THSD7A: variants seen among roughly 807,000 people sequenced by gnomAD.
THSD7A encodes the protein thrombospondin type 1 domain containing 7A, also known as thrombospondin type-1 domain-containing protein 7A.
Under a neutral mutation model 231.3 loss-of-function variants are expected in THSD7A, and 96 were observed. The ratio of observed to expected loss-of-function variants is 0.41; its 90% CI spans 0.35 to 0.49. The LOEUF (loss-of-function observed/expected upper bound fraction) is 0.49. THSD7A is among the 20% of genes least tolerant of loss of function. The probability of loss-of-function intolerance (pLI) is 0.05; values close to 1 mark genes in which losing one functional copy is unlikely to be tolerated. For missense variants in THSD7A, 2,290 were observed against 2,070.2 expected, an observed-to-expected ratio of 1.11 and a Z score of -2.06; for synonymous variants, 940 against 743.3, an observed-to-expected ratio of 1.26 and a Z score of -4.30.
intron 1 of THSD7A, among the ~76,000 whole-genome samples, chr7:11,769,122 A>AATAT (rs1219135740): frequency 0.022 from 800 of 35,744 alleles, 19 homozygotes; most frequent in African/African-American, 0.028. Flanking sequence ...AATTCCTGGC[A>AATAT]ATATATATAT....
chr7:11,586,998 A>T (rs1405019722), intron 4 of THSD7A, among the ~76,000 whole-genome samples: 1 of 152,110 alleles, frequency 6.6e-6, no homozygotes, highest in African/African-American at 2.4e-5. Context: ...AGTTTCCTAT[A>T]AGTCACTGTA....
rs17165070 is a variant in THSD7A, at chr7:11,705,012, C to A, written c.191-68051G>T. Reference sequence around the variant, plus strand: ...ATAATCATCAGTTGACACGTCAGAACTAAGTGTCTTTTAAAAATATATACT... The same window carrying A: ...ATAATCATCAGTTGACACGTCAGAAATAAGTGTCTTTTAAAAATATATACT... On this transcript the variant is annotated intron_variant, in intron 1 of 27. Transcript: ENST00000423059. 8.7e-3 allele frequency among the ~76,000 whole-genome samples: 1,311 copies of A among 151,132 alleles called. 17 individuals carry two copies. Among genetic ancestry groups the A allele is most frequent in the African/African-American group, 0.03 (1,228 of 41,374 alleles).
At chr7:11,787,225 C>G (rs1474542771) in intron 1 of THSD7A, among the ~76,000 whole-genome samples, 1 of 151,868 alleles carries the variant, frequency 6.6e-6, no homozygotes, top group African/African-American at 2.4e-5. Flanking sequence ...AATATATAAT[C>G]TAGACACAGA....
intron 2 of THSD7A, among the ~76,000 whole-genome samples, chr7:11,628,930 G>C (rs1235766695): frequency 3.9e-5 from 6 of 152,140 alleles, no homozygotes; most frequent in Non-Finnish European, 7.4e-5. Flanking sequence ...TGTAGGCATC[G>C]AGGAGTGGTA....
At chr7:11,547,320 A>G (rs753302366) in intron 4 of THSD7A, among the ~76,000 whole-genome samples, 1 of 152,246 alleles carries the variant, frequency 6.6e-6, no homozygotes, top group Non-Finnish European at 1.5e-5. Context: ...TTGAATATAA[A>G]TAGGCTAAAC....
intron 2 of THSD7A, among the ~76,000 whole-genome samples, chr7:11,633,388 G>T (rs769897645): frequency 2.0e-5 from 3 of 152,086 alleles, no homozygotes; most frequent in Non-Finnish European, 2.9e-5. Flanking sequence ...ATAGTCTTTT[G>T]TTGGCAATAA....
intron 6 of THSD7A, among the ~76,000 whole-genome samples, chr7:11,518,480 T>A (rs1168335649): frequency 6.6e-6 from 1 of 152,148 alleles, no homozygotes; most frequent in Non-Finnish European, 1.5e-5. Flanking sequence ...CAGGCTTCAT[T>A]CATTACATGC....
At chr7:11,660,675 C>G (rs921001507) in intron 1 of THSD7A, among the ~76,000 whole-genome samples, 2 of 151,336 alleles carry the variant, frequency 1.3e-5, no homozygotes, top group African/African-American at 2.4e-5. Flanking sequence ...AGTTAAGTCT[C>G]TACCTGGTCC....
chr7:11,783,704 T>A (rs922837875), intron 1 of THSD7A, among the ~76,000 whole-genome samples: 3 of 152,116 alleles, frequency 2.0e-5, no homozygotes, highest in Non-Finnish European at 4.4e-5. Flanking sequence ...CTAGAGGGGA[T>A]ATAGATGAAG....
intron 1 of THSD7A, among the ~76,000 whole-genome samples, chr7:11,716,146 AT>A (rs529435667): frequency 1.3e-5 from 2 of 151,238 alleles, no homozygotes; most frequent in African/African-American, 4.8e-5. Context: ...TGCCTTTTCC[AT>A]TTTTTCCCTA....
At chr7:11,427,417 T>C (rs1418781198) in intron 14 of THSD7A, among the ~76,000 whole-genome samples, 1 of 152,160 alleles carries the variant, frequency 6.6e-6, no homozygotes, top group African/African-American at 2.4e-5. Flanking sequence ...CAAGTCACAA[T>C]ACCCTTATCA....
chr7:11,534,896 C>G (rs535079371), intron 6 of THSD7A, among the ~76,000 whole-genome samples: 1 of 152,294 alleles, frequency 6.6e-6, no homozygotes, highest in African/African-American at 2.4e-5. Flanking sequence ...GTTGCCCCAG[C>G]TACTTGGGAT....
At chr7:11,824,642 T>C (rs901134735) in intron 1 of THSD7A, among the ~76,000 whole-genome samples, 4 of 152,132 alleles carry the variant, frequency 2.6e-5, no homozygotes, top group East Asian at 1.9e-4. Flanking sequence ...CCCTGAGAAT[T>C]TGACTTTTTG....
intron 1 of THSD7A, among the ~76,000 whole-genome samples, chr7:11,700,402 AT>A (rs1780549507): frequency 6.6e-6 from 1 of 151,206 alleles, no homozygotes; most frequent in South Asian, 2.1e-4. Flanking sequence ...ACGTAATTCT[AT>A]TTTTCCCTCC....
chr7:11,580,982 G>C (rs934923730), intron 4 of THSD7A, among the ~76,000 whole-genome samples: 2 of 152,074 alleles, frequency 1.3e-5, no homozygotes, highest in East Asian at 3.8e-4. Flanking sequence ...AGTATTTGTT[G>C]AGTGAATGAA....
intron 2 of THSD7A, among the ~76,000 whole-genome samples, chr7:11,628,537 T>C (rs1781546649): frequency 1.3e-5 from 2 of 150,048 alleles, no homozygotes; most frequent in Admixed American, 1.3e-4. Context: ...ATCTCTGTTG[T>C]TATCTGCACG....
intron 13 of THSD7A, among the ~76,000 whole-genome samples, chr7:11,436,495 G>T (rs1784637056): frequency 6.6e-6 from 1 of 151,788 alleles, no homozygotes; most frequent in Admixed American, 6.6e-5. Flanking sequence ...TTCCCTTTTG[G>T]GTAATACAAA....
intron 19 of THSD7A, among the ~76,000 whole-genome samples, chr7:11,407,758 C>T (rs567122338): frequency 6.6e-5 from 10 of 152,256 alleles, no homozygotes; most frequent in African/African-American, 2.4e-4. Flanking sequence ...AGCATAAATA[C>T]TTTCCATTAG....
intron 6 of THSD7A, among the ~76,000 whole-genome samples, chr7:11,535,326 G>C (rs975807710): frequency 6.6e-6 from 1 of 152,042 alleles, no homozygotes; most frequent in African/African-American, 2.4e-5. Context: ...TACATACACA[G>C]ACACATATAC....
Sources: gnomAD v4.1 joint callset for allele counts (sites outside exome capture counted in the v4.1 genomes callset) on GRCh38, gnomAD v4.1.1 for gene constraint, MANE v1.5 for transcripts, NCBI Gene and HGNC (gene_info 2026-07-23, HGNC 2026-07-21) for gene names.